PDE4A: variants seen among roughly 807,000 people sequenced by gnomAD.
The protein encoded by PDE4A is 3',5'-cyclic-AMP phosphodiesterase 4A.
PDE4A carries 21 observed loss-of-function variants against 73.9 expected under a neutral mutation model. The observed-to-expected ratio is 0.28, with a 90% CI of 0.20 to 0.41. The LOEUF (loss-of-function observed/expected upper bound fraction) is 0.41, where lower values mean the gene tolerates loss of function less well. PDE4A is among the 10% of genes least tolerant of loss of function. The probability of loss-of-function intolerance (pLI) is 1.00; values close to 1 mark genes in which losing one functional copy is unlikely to be tolerated. For synonymous variants in PDE4A, 463 were observed against 505.4 expected, an observed-to-expected ratio of 0.92 and a Z score of 1.13; for missense variants, 958 against 1,211.4, an observed-to-expected ratio of 0.79 and a Z score of 3.10.
chr19:10,450,646 C>A lies in PDE4A; in HGVS notation c.664C>A (p.Leu222Met). The A allele has an allele frequency of 1.2e-6, 2 of 1,609,772 alleles. No individual in the cohort carries two copies. The highest frequency in any genetic ancestry group is 1.7e-6 in the Non-Finnish European group (2 of 1,178,606). ...CCCCACCCCTGTCTGCAAGGCCACGCTGTCAGGTAGCTAAGCCCAGAGGGG... is the reference window on the plus strand; with the variant it reads ...CCCCACCCCTGTCTGCAAGGCCACGATGTCAGGTAGCTAAGCCCAGAGGGG... Reference protein sequence around the residue: ...GGPTPVCKATLSEETCQQLAR... With the variant: ...GGPTPVCKATMSEETCQQLAR... Residue 222 changes from leucine to methionine, a missense_variant, in exon 5 of 15, where the codon CTG (leucine) becomes ATG (methionine). By Grantham distance (15) the Leu-to-Met change is conservative (BLOSUM62 2). Transcript: ENST00000380702.
At chr19:10,432,513 AC>A (rs775436158) in intron 1 of PDE4A, 31 of 1,523,990 alleles carry the variant, frequency 2.0e-5, no homozygotes, top group Non-Finnish European at 2.7e-5. Flanking sequence ...CGAGTCCCTG[AC>A]CCACTTCCCC....
At chr19:10,432,532 A>C in intron 1 of PDE4A, 2 of 1,525,472 alleles carry the variant, frequency 1.3e-6, no homozygotes, top group Non-Finnish European at 1.8e-6. Context: ...CCCTTCAGCG[A>C]TGAGGACACC....
At chr19:10,450,511 A>C (rs1403888022) in intron 4 of PDE4A, 92 bp from the exon 5 acceptor site, 2 of 1,489,292 alleles carry the variant, frequency 1.3e-6, no homozygotes, top group Non-Finnish European at 1.8e-6. Context: ...TTTCAGACAA[A>C]TGAAAATTGG....
At chr19:10,454,539 A>G (rs1199843606) in intron 6 of PDE4A, among the ~76,000 whole-genome samples, 1 of 152,150 alleles carries the variant, frequency 6.6e-6, no homozygotes, top group African/African-American at 2.4e-5. Context: ...TCCCTTCCAC[A>G]GGTGCCCCTC....
At chr19:10,457,806 G>A in intron 7 of PDE4A, 73 bp from the exon 8 acceptor site, 1 of 1,587,084 alleles carries the variant, frequency 6.3e-7, no homozygotes, top group Non-Finnish European at 8.6e-7. Context: ...ACGTGGTAGT[G>A]GGCTGAAGAA....
chr19:10,461,246 G>A (rs2043261486), intron 11 of PDE4A, 143 bp downstream of exon 11: 3 of 1,052,608 alleles, frequency 2.9e-6, no homozygotes, highest in Non-Finnish European at 3.9e-6. Flanking sequence ...GGCCGGGCAG[G>A]AGGCGGGGCT....
At chr19:10,466,460 A>G (rs2043373388) in intron 14 of PDE4A, among the ~76,000 whole-genome samples, 1 of 148,710 alleles carries the variant, frequency 6.7e-6, no homozygotes, top group Non-Finnish European at 1.5e-5. Context: ...AAAAAAAAAA[A>G]AAGTGTGTGT....
At chr19:10,450,233 G>A (rs1359196246) in intron 4 of PDE4A, among the ~76,000 whole-genome samples, 1 of 152,198 alleles carries the variant, frequency 6.6e-6, no homozygotes, top group Non-Finnish European at 1.5e-5. Flanking sequence ...TTGTTTCAGT[G>A]CAAGAGATGT....
chr19:10,444,498 C>CA (rs1180202891), intron 1 of PDE4A, among the ~76,000 whole-genome samples: 1,347 of 124,672 alleles, frequency 0.011, 8 homozygotes, highest in Non-Finnish European at 0.015. Context: ...AACTCCATCT[C>CA]AAAAAAAAAA....
chr19:10,461,845 C>A, intron 12 of PDE4A, 32 bp from the exon 13 acceptor site: 1 of 1,605,400 alleles, frequency 6.2e-7, no homozygotes, highest in Non-Finnish European at 8.5e-7. Context: ...GGGCGGGTGT[C>A]AGCGGCCCCA....
At chr19:10,459,310 C>G (rs773759554) in intron 8 of PDE4A, 90 bp from the exon 9 acceptor site, 3 of 1,589,630 alleles carry the variant, frequency 1.9e-6, no homozygotes, top group African/African-American at 2.7e-5. Flanking sequence ...AATGGTGCTT[C>G]CTTCAGACCA....
intron 1 of PDE4A, among the ~76,000 whole-genome samples, chr19:10,441,572 G>A (rs2042938082): frequency 6.6e-6 from 1 of 151,732 alleles, no homozygotes. Flanking sequence ...TATTGTTGTT[G>A]CCTGTGCTTT....
chr19:10,434,981 C>T (rs2042845533), intron 1 of PDE4A, among the ~76,000 whole-genome samples: 2 of 148,934 alleles, frequency 1.3e-5, no homozygotes, highest in Admixed American at 1.4e-4. Flanking sequence ...ACCTCTGCTT[C>T]CCAGGCTCAA....
upstream of PDE4A, chr19:10,417,700 T>A (rs553040076): frequency 3.1e-5 from 49 of 1,595,496 alleles, no homozygotes; most frequent in Middle Eastern, 6.6e-4. Context: ...GCCAACATGC[T>A]GGGGGCCGAC....
At chr19:10,417,078 C>T (rs2042595518), upstream of PDE4A, 3 of 1,487,740 alleles carry the variant, frequency 2.0e-6, no homozygotes, top group Non-Finnish European at 2.7e-6. Flanking sequence ...ATTTCCTGAA[C>T]GTGGCTTCAC....
At chr19:10,438,140 G>A (rs1004464729) in intron 1 of PDE4A, among the ~76,000 whole-genome samples, 2 of 140,350 alleles carry the variant, frequency 1.4e-5, no homozygotes, top group Admixed American at 7.2e-5. Flanking sequence ...TTGAGACGGA[G>A]TCTCGCTCTG....
intron 1 of PDE4A, among the ~76,000 whole-genome samples, chr19:10,425,300 C>T (rs1388347804): frequency 6.6e-6 from 1 of 152,156 alleles, no homozygotes; most frequent in Non-Finnish European, 1.5e-5. Context: ...CAGCCCTGCC[C>T]GCTGACTCGC....
intron 6 of PDE4A, among the ~76,000 whole-genome samples, 181 bp downstream of exon 6, chr19:10,451,122 G>T (rs1333894698): frequency 6.6e-6 from 1 of 152,174 alleles, no homozygotes; most frequent in African/African-American, 2.4e-5. Context: ...ATCCCTGGGC[G>T]GGGGCTGGTG....
At position 10,432,669 on chromosome 19, in the gene PDE4A, C is replaced by T. The variant is rs184659510; in HGVS notation, c.320+11585C>T. 2.8e-4 allele frequency: 331 copies of T among 1,197,052 alleles called. 1 individual carries two copies. In the East Asian group the frequency reaches 5.8e-3, roughly 21 times the overall value. The allele number at this position is 1,197,052 out of a possible 1,614,324, so 74.2% of individuals were successfully genotyped here. ...TGCTGAGTCTACCTGGGTGAGTCCC[C>T]TAAGTGGCTTCCAGGATCTGGCTGG... On this transcript the variant is annotated intron_variant, in intron 1 of 14. Coordinates refer to ENST00000380702, the MANE Select transcript of PDE4A (RefSeq NM_001111307.2).
Sources: allele counts gnomAD v4.1 joint callset (sites outside exome capture counted in the v4.1 genomes callset), GRCh38; gene constraint gnomAD v4.1.1; transcripts MANE v1.5; gene names NCBI Gene and HGNC (gene_info 2026-07-23, HGNC 2026-07-21).